Variants in SLC25A41 observed in about 807,000 individuals in gnomAD.
The protein encoded by SLC25A41 is mitochondrial carrier protein SCaMC-3L.
SLC25A41 carries 35 observed loss-of-function variants against 34.7 expected under a neutral mutation model. The ratio of observed to expected loss-of-function variants is 1.01; its 90% CI spans 0.77 to 1.34. SLC25A41 has a LOEUF of 1.34. Ranked by LOEUF, SLC25A41 falls within the 40% of genes most tolerant of loss-of-function variation. The pLI, the probability that SLC25A41 is intolerant of heterozygous loss-of-function variation, is 0.00. For missense variants in SLC25A41, 492 were observed against 489.8 expected, an observed-to-expected ratio of 1.00 and a Z score of -0.04; for synonymous variants, 190 against 209.9, an observed-to-expected ratio of 0.91 and a Z score of 0.82.
Position 6,427,000 on chromosome 19 carries a change from G to A in SLC25A41, c.940+103C>T, listed in dbSNP as rs2092244877. 4.5e-6 allele frequency: 6 copies of A among 1,321,004 alleles called. No individual in the cohort carries two copies. In the Admixed American group the frequency reaches 1.4e-4, roughly 31 times the overall value. The allele number at this position is 1,321,004 out of a possible 1,614,324, so 81.8% of individuals were successfully genotyped here. ...AGTTATCAAAAGTGGGCTGGGATCA[G>A]ACACGGAGGGTGCCGGACTCAGTTT... On this transcript the variant is annotated intron_variant, in intron 6 of 6. Coordinates refer to ENST00000321510, the MANE Select transcript of SLC25A41 (RefSeq NM_173637.4).
intron 2 of SLC25A41, among the ~76,000 whole-genome samples, chr19:6,431,053 C>T (rs756484422): frequency 3.3e-5 from 5 of 151,460 alleles, no homozygotes; most frequent in Non-Finnish European, 2.9e-5. Flanking sequence ...TGGGCTCAAG[C>T]GATCTTCCCA....
At position 6,431,270 on chromosome 19, in the gene SLC25A41, C is replaced by T. The variant is rs571618809; in HGVS notation, c.363+779G>A. 3.3e-5 allele frequency among the ~76,000 whole-genome samples: 5 copies of T among 151,198 alleles called. No homozygotes were observed. The East Asian group carries it at 7.9e-4, about 24-fold the overall frequency. On this transcript the variant is annotated intron_variant, in intron 2 of 6. Coordinates refer to ENST00000321510, the MANE Select transcript of SLC25A41 (RefSeq NM_173637.4). ...CCACTGCACCCGTTTATTTTTTCAG[C>T]CAGGGATCTCGCTCTGTCACCCAGG...
chr19:6,426,419 G>C lies in SLC25A41; in HGVS notation c.1083C>G (p.Tyr361Ter). The C allele has an allele frequency of 1.2e-6, 2 of 1,613,756 alleles. No homozygotes were observed. The highest frequency in any genetic ancestry group is 2.2e-5 in the South Asian group (2 of 91,084). Residue 361 changes from tyrosine (Y) to a stop codon, truncating the protein, a stop_gained, in exon 7 of 7, where the codon TAC becomes TAG. Coordinates refer to ENST00000321510, the MANE Select transcript of SLC25A41 (RefSeq NM_173637.4). LOFTEE classifies it high-confidence loss of function. The part of the protein sequence containing the change: ...LPAGGISYVV[Y>*]EAMKKTLGI ...TGCCCAGGGTTTTCTTCATGGCTTC[G>C]TACACCACATAGCTGATGCCACCTG... is the stretch of plus-strand genomic sequence containing the variant.
Position 6,432,160 on chromosome 19 carries a change from C to T in SLC25A41, c.252G>A (p.Leu84=). The change falls in exon 2 of 7, where the codon CTG becomes CTA. Residue 84 remains leucine, a synonymous_variant. Coordinates refer to ENST00000321510, the MANE Select transcript of SLC25A41 (RefSeq NM_173637.4). Reference sequence around the variant, plus strand: ...ACAAGGCCTCCTTGTTATCCACTTCCAGGACTTCCACGGGGACCATCAGCT... The same window carrying T: ...ACAAGGCCTCCTTGTTATCCACTTCTAGGACTTCCACGGGGACCATCAGCT... ...GEQLMVPVEV[L]EVDNKEALWK... is the part of the protein sequence containing the mutation. 6.2e-7 allele frequency: 1 copy of T among 1,613,902 alleles called. No individual in the cohort carries two copies. Among genetic ancestry groups the T allele is most frequent in the South Asian group, 1.1e-5 (1 of 91,080 alleles).
At chr19:6,433,775 G>A (rs2092296419), upstream of SLC25A41, 4 of 1,177,102 alleles carry the variant, frequency 3.4e-6, no homozygotes, top group Non-Finnish European at 4.7e-6. Context: ...TCTAGTGGGA[G>A]GATTGTGTGG....
upstream of SLC25A41, among the ~76,000 whole-genome samples, chr19:6,435,235 A>AG (rs2092304068): frequency 6.7e-6 from 1 of 148,576 alleles, no homozygotes; most frequent in African/African-American, 2.6e-5. Context: ...AAAAAAAAAA[A>AG]AAGAAAAAAA....
At chr19:6,428,863 G>C (rs938278793) in intron 4 of SLC25A41, among the ~76,000 whole-genome samples, 1 of 142,842 alleles carries the variant, frequency 7.0e-6, no homozygotes, top group African/African-American at 2.6e-5. Flanking sequence ...ACAGGCATGC[G>C]CCACCACACC....
chr19:6,429,000 G>C (rs1351791789), intron 4 of SLC25A41, among the ~76,000 whole-genome samples: 1 of 110,348 alleles, frequency 9.1e-6, no homozygotes, highest in African/African-American at 3.3e-5. Context: ...ACAGGCATGA[G>C]CCAAGGTGTC....
At chr19:6,432,364 G>A (rs2092289378) in intron 1 of SLC25A41, among the ~76,000 whole-genome samples, 160 bp from the exon 2 acceptor site, 1 of 151,572 alleles carries the variant, frequency 6.6e-6, no homozygotes, top group African/African-American at 2.4e-5. Context: ...CCAGGTTAGA[G>A]TGCAGTGGCA....
chr19:6,427,513 G>T lies in SLC25A41; in HGVS notation c.625-12C>A. On this transcript the variant is annotated splice_polypyrimidine_tract_variant and intron_variant, in intron 4 of 6. Transcript: ENST00000321510. This position sits in a 1 kb window ranked among gnomAD's most constrained non-coding sequence, Gnocchi z 4.9. ...CGCGTCTTCAGCACCTGAGGATGGC[G>T]GGGAACAAGGCAGCTCATTTGATTG... is the stretch of plus-strand genomic sequence containing the variant. 6.6e-7 allele frequency: 1 copy of T among 1,504,542 alleles called. No homozygotes were observed. The highest frequency in any genetic ancestry group is 2.4e-5 in the East Asian group (1 of 41,650). 93.2% of individuals were successfully genotyped at this position (1,504,542 alleles called of 1,614,324 possible).
At chr19:6,428,981 G>T (rs1202758890) in intron 4 of SLC25A41, among the ~76,000 whole-genome samples, 2 of 122,560 alleles carry the variant, frequency 1.6e-5, no homozygotes, top group African/African-American at 6.0e-5. Context: ...CTCCCAAAGT[G>T]TTGGGATTAC....
In SLC25A41 at chr19:6,429,724, C is replaced by T. The variant is rs1217246069; in HGVS notation, c.624G>A (p.Glu208=). 2 of 1,577,794 alleles carry T rather than the reference C, an allele frequency of 1.3e-6. No individual in the cohort carries two copies. Among genetic ancestry groups the T allele is most frequent in the East Asian group, 2.3e-5 (1 of 44,118 alleles). Residue 208 remains glutamate, a splice_region_variant and synonymous_variant, in exon 4 of 7, where the codon GAG becomes GAA. Coordinates refer to ENST00000321510, the MANE Select transcript of SLC25A41 (RefSeq NM_173637.4). The part of the protein sequence containing the change: ...AISQTLINPM[E]VLKTRLTLRR... ...ACCTGCGGGGCACATGCTCTCTTAC[C>T]TCCATGGGGTTGATGAGGGTCTGGG...
At chr19:6,426,621 T>C (rs1013714398) in intron 6 of SLC25A41, 60 bp from the exon 7 acceptor site, 2 of 1,574,834 alleles carry the variant, frequency 1.3e-6, no homozygotes, top group Non-Finnish European at 1.7e-6. Flanking sequence ...CCTAGGAGTC[T>C]GGAATGTTGC....
intron 4 of SLC25A41, among the ~76,000 whole-genome samples, chr19:6,429,348 A>AG (rs374647190): frequency 8.9e-5 from 1 of 11,188 alleles, no homozygotes. Flanking sequence ...GGGAAGAGGG[A>AG]GAGGAGGGAG....
chr19:6,429,154 T>TGTTATA (rs1463506593), intron 4 of SLC25A41, among the ~76,000 whole-genome samples: 1 of 44,342 alleles, frequency 2.3e-5, no homozygotes, highest in Non-Finnish European at 3.5e-5. Flanking sequence ...AATATATATA[T>TGTTATA]TATATATATA....
Position 6,426,546 on chromosome 19 carries a change from G to T in SLC25A41, c.956C>A (p.Ser319Ter), listed in dbSNP as rs747878128. 2.4e-5 allele frequency: 39 copies of T among 1,612,846 alleles called. No homozygotes were observed. Among genetic ancestry groups the T allele is most frequent in the Non-Finnish European group, 3.1e-5 (37 of 1,179,752 alleles). Reference sequence around the variant, plus strand: ...GAGGACTCCGCGCATGGTGGGATTTGAGCCCTCCACGGTATCTGCAGGGAC... The same window carrying T: ...GAGGACTCCGCGCATGGTGGGATTTTAGCCCTCCACGGTATCTGCAGGGAC... ...RMQAQDTVEG[S>*]NPTMRGVLQR... Residue 319 changes from serine to a stop codon, truncating the protein, a stop_gained, in exon 7 of 7, where the codon TCA becomes TAA. Coordinates refer to ENST00000321510, the MANE Select transcript of SLC25A41 (RefSeq NM_173637.4). LOFTEE classifies it low-confidence loss of function (END_TRUNC).
chr19:6,431,340 C>T (rs2092284706), intron 2 of SLC25A41, among the ~76,000 whole-genome samples: 1 of 152,048 alleles, frequency 6.6e-6, no homozygotes, highest in Non-Finnish European at 1.5e-5. Flanking sequence ...CCTCCAACTC[C>T]TGGGCTCAAG....
At chr19:6,431,361 G>T (rs2092284790) in intron 2 of SLC25A41, among the ~76,000 whole-genome samples, 1 of 151,762 alleles carries the variant, frequency 6.6e-6, no homozygotes, top group African/African-American at 2.4e-5. Context: ...CAATCCTCCT[G>T]CCTCAGCCTC....
rs2092250234 is a variant in SLC25A41, at chr19:6,427,688, C to G, written c.625-187G>C. ...AATTTTGAGTTCTGAAGCACAAATG[C>G]TGGCAAAGGCCAAGAGAGTGAGGGA... is the stretch of plus-strand genomic sequence containing the variant. On this transcript the variant is annotated intron_variant, in intron 4 of 6. Coordinates refer to ENST00000321510, the MANE Select transcript of SLC25A41 (RefSeq NM_173637.4). The surrounding 1 kb of genome is among the most constrained non-coding windows in gnomAD (Gnocchi z 4.9). Among the ~76,000 whole-genome samples the G allele has an allele frequency of 6.6e-6, 1 of 152,208 alleles. No individual in the cohort carries two copies. The highest frequency in any genetic ancestry group is 1.5e-5 in the Non-Finnish European group (1 of 68,050).
Sources: gnomAD v4.1 joint callset for allele counts (sites outside exome capture counted in the v4.1 genomes callset) on GRCh38, gnomAD v4.1.1 for gene constraint, Gnocchi (gnomAD v3.1) non-coding constraint, MANE v1.5 for transcripts, NCBI Gene and HGNC (gene_info 2026-07-23, HGNC 2026-07-21) for gene names.